The following ALG2 variants were observed in gnomAD, a reference collection of about 807,000 sequenced individuals.
ALG2 encodes the protein alpha-1,3/1,6-mannosyltransferase ALG2.
Under a neutral mutation model 30.5 loss-of-function variants are expected in ALG2, and 32 were observed. That is an observed-to-expected ratio of 1.05 (90% CI 0.79 to 1.41). The LOEUF (loss-of-function observed/expected upper bound fraction) is 1.41. Among genes scored for constraint, ALG2 ranks in the 40% most tolerant of loss-of-function variants. ALG2 has a pLI of 0.00. For missense variants in ALG2, 574 were observed against 526.4 expected, an observed-to-expected ratio of 1.09 and a Z score of -0.88; for synonymous variants, 253 against 224.8, an observed-to-expected ratio of 1.13 and a Z score of -1.12.
In ALG2 at chr9:99,218,417, G is replaced by T. The variant is rs1204546547; in HGVS notation, c.768C>A (p.Ser256=). Residue 256 remains serine, a synonymous_variant, in exon 2 of 2, where the codon TCC becomes TCA. Transcript: ENST00000476832. ...TCAGATGAACCCTCTCCCAATCTTG[G>T]GATGTCAATCTTCCACGCAGCTGTA... ...ALVQLRGRLT[S]QDWERVHLIV... The T allele has an allele frequency of 6.2e-7, 1 of 1,614,056 alleles. No homozygotes were observed. The highest frequency in any genetic ancestry group is 2.2e-5 in the East Asian group (1 of 44,894).
At chr9:99,220,593 C>T (rs36054907) in intron 1 of ALG2, among the ~76,000 whole-genome samples, 7,583 of 152,174 alleles carry the variant, frequency 0.05, 292 homozygotes, top group South Asian at 0.17. Flanking sequence ...GAGCCGAGAT[C>T]GCGCCACTGC....
chr9:99,220,221 AG>A (rs1454586173), intron 1 of ALG2, among the ~76,000 whole-genome samples: 1 of 152,258 alleles, frequency 6.6e-6, no homozygotes, highest in African/African-American at 2.4e-5. Flanking sequence ...TTTAAAAAAA[AG>A]AAGTAAAAGG....
chr9:99,217,794 G>C lies in ALG2; in HGVS notation c.*140C>G, dbSNP rs1828719748. 14 of 918,028 alleles carry C rather than the reference G, an allele frequency of 1.5e-5. No individual in the cohort carries two copies. In the East Asian group the frequency reaches 3.7e-4, roughly 24 times the overall value. 56.9% of individuals were successfully genotyped at this position (918,028 alleles called of 1,614,324 possible). ...GTGGACAGGGAGGTGTGGTATATAG[G>C]AAAGTGGCTCACATTCAAGACTCAA... On this transcript the variant is annotated 3_prime_UTR_variant, in exon 2 of 2. Transcript: ENST00000476832.
In ALG2 at chr9:99,221,598, G is replaced by A. The variant is rs1389785893; in HGVS notation, c.297C>T (p.Leu99=). Residue 99 remains leucine (L), a synonymous_variant, in exon 1 of 2, where the codon CTC becomes CTT. Transcript: ENST00000476832. ...CAYVRMVFLA[L]YVLFLADEEF... ...CCTCGTCGGCGAGGAACAGCACGTAGAGCGCCAGGAAAACCATGCGCACGT... is the reference window on the plus strand; with the variant it reads ...CCTCGTCGGCGAGGAACAGCACGTAAAGCGCCAGGAAAACCATGCGCACGT... 3.2e-6 allele frequency: 5 copies of A among 1,543,756 alleles called. No individual in the cohort carries two copies. Among genetic ancestry groups the A allele is most frequent in the Admixed American group, 2.0e-5 (1 of 50,898 alleles).
At chr9:99,218,877 T>C (rs755137990) in intron 1 of ALG2, 41 bp from the exon 2 acceptor site, 1 of 1,598,230 alleles carries the variant, frequency 6.3e-7, no homozygotes, top group African/African-American at 1.3e-5. Context: ...AGTGGTCAAC[T>C]CAACTTCAAC....
At position 99,218,089 on chromosome 9, in the gene ALG2, G is replaced by A. The variant is rs1828725583; in HGVS notation, c.1096C>T (p.Pro366Ser). Residue 366 changes from proline (P) to serine (S), a missense_variant, in exon 2 of 2, where the codon CCG (proline) becomes TCG (serine). Pro to Ser is a moderately conservative substitution (Grantham distance 74). Transcript: ENST00000476832. ...SVTGFLCEPD[P>S]VHFSEAIEKF... is the part of the protein sequence containing the mutation. ...TCTATTGCTTCTGAGAAGTGCACCG[G>A]GTCAGGCTCACACAGAAACCCTGTG... The A allele has an allele frequency of 1.9e-6, 3 of 1,613,812 alleles. No homozygotes were observed. The highest frequency in any genetic ancestry group is 2.5e-6 in the Non-Finnish European group (3 of 1,179,846).
rs1286182483 is a variant in ALG2 at position 99,217,243 on chromosome 9, T to C, written c.*691A>G. The C allele has an allele frequency of 4.4e-6, 2 of 454,126 alleles. No individual in the cohort carries two copies. Among genetic ancestry groups the C allele is most frequent in the East Asian group, 1.4e-4 (2 of 14,402 alleles). The allele number at this position is 454,126 out of a possible 1,614,324, so 28.1% of individuals were successfully genotyped here. A position where few individuals can be genotyped will look rare whatever the true frequency, so the allele number is the denominator to read the frequency against. On this transcript the variant is annotated 3_prime_UTR_variant, in exon 2 of 2. Transcript: ENST00000476832. ...AAGATGCACAACACATGTGTGACAA[T>C]ATTCTTGCTTCATTTCAATATCCAC...
chr9:99,219,142 T>C (rs374368950), intron 1 of ALG2, among the ~76,000 whole-genome samples: 9 of 152,236 alleles, frequency 5.9e-5, no homozygotes, highest in African/African-American at 1.9e-4. Context: ...TTTTAACATA[T>C]TATTTACCGA....
chr9:99,221,585 G>C lies in ALG2; in HGVS notation c.310C>G (p.Leu104Val). The change falls in exon 1 of 2, where the codon CTC (leucine) becomes GTC (valine). Residue 104 changes from leucine (L) to valine (V), a missense_variant. Transcript: ENST00000476832. The stretch of plus-strand genomic sequence containing the variant: ...ACCACGTCGAACTCCTCGTCGGCGA[G>C]GAACAGCACGTAGAGCGCCAGGAAA... ...MVFLALYVLF[L>V]ADEEFDVVVC... 6.5e-7 allele frequency: 1 copy of C among 1,544,390 alleles called. No individual in the cohort carries two copies. Among genetic ancestry groups the C allele is most frequent in the Non-Finnish European group, 8.7e-7 (1 of 1,146,064 alleles).
At position 99,221,546 on chromosome 9, in the gene ALG2, C is replaced by T. The variant is rs1237092913; in HGVS notation, c.348+1G>A. Reference sequence around the variant, plus strand: ...CGCAGCCGGCCCCGCGGCCGCCTCACCTGGTCGCACACTACCACGTCGAAC... The same window carrying T: ...CGCAGCCGGCCCCGCGGCCGCCTCATCTGGTCGCACACTACCACGTCGAAC... On this transcript the variant is annotated splice_donor_variant, in intron 1 of 1. Coordinates refer to ENST00000476832, the MANE Select transcript of ALG2 (RefSeq NM_033087.4). LOFTEE classifies it high-confidence loss of function. 1.9e-6 allele frequency: 3 copies of T among 1,543,444 alleles called. No homozygotes were observed. Among genetic ancestry groups the T allele is most frequent in the Admixed American group, 2.0e-5 (1 of 50,954 alleles).
chr9:99,218,963 A>G, intron 1 of ALG2, 127 bp from the exon 2 acceptor site: 1 of 1,010,436 alleles, frequency 9.9e-7, no homozygotes, highest in Non-Finnish European at 1.5e-6. Flanking sequence ...ATTCTGTTTT[A>G]TTCCCCAAGA....
rs1308983324 is a variant in ALG2, at chr9:99,218,506, G to C, written c.679C>G (p.Leu227Val). The change falls in exon 2 of 2, where the codon CTG becomes GTG. Residue 227 changes from leucine to valine, a missense_variant. Physicochemically the swap from Leu to Val is conservative, Grantham distance 32. Transcript: ENST00000476832. ...DDLVPKGKKF[L>V]LLSINRYERK... ...TCGTATCTGTTGATGGAGAGCAGCAGGAATTTTTTCCCCTTGGGGACTAGG... is the reference window on the plus strand; with the variant it reads ...TCGTATCTGTTGATGGAGAGCAGCACGAATTTTTTCCCCTTGGGGACTAGG... 1.2e-6 allele frequency: 2 copies of C among 1,614,200 alleles called. No homozygotes were observed. The highest frequency in any genetic ancestry group is 1.7e-6 in the Non-Finnish European group (2 of 1,180,032).
intron 1 of ALG2, chr9:99,220,889 T>C (rs1406467385): frequency 2.5e-5 from 31 of 1,260,312 alleles, no homozygotes; most frequent in Non-Finnish European, 3.1e-5. Flanking sequence ...AATGTTACTT[T>C]TTAAAGTCAT....
rs183416022 is a variant in ALG2, at chr9:99,218,390, G to C, written c.795C>G (p.Ile265Met). 26 of 1,614,056 alleles carry C rather than the reference G, an allele frequency of 1.6e-5. No homozygotes were observed. The highest frequency in any genetic ancestry group is 3.3e-5 in the Admixed American group (2 of 59,998). Reference protein sequence around the residue: ...TSQDWERVHLIVAGGYDERVL... With the variant: ...TSQDWERVHLMVAGGYDERVL... ...CTCTCTCGTCATAACCACCTGCCAC[G>C]ATCAGATGAACCCTCTCCCAATCTT... The change falls in exon 2 of 2, where the codon ATC becomes ATG. Residue 265 changes from isoleucine (I) to methionine (M), a missense_variant. By Grantham distance (10) the Ile-to-Met change is conservative. Transcript: ENST00000476832.
intron 1 of ALG2, chr9:99,221,246 C>G: frequency 8.7e-7 from 1 of 1,154,948 alleles, no homozygotes; most frequent in Non-Finnish European, 1.2e-6. Flanking sequence ...TTTCTCAGAG[C>G]CCCAAAGACT....
At chr9:99,218,987 C>T (rs910844073) in intron 1 of ALG2, 151 bp from the exon 2 acceptor site, 1 of 842,206 alleles carries the variant, frequency 1.2e-6, no homozygotes, top group Admixed American at 2.0e-5. Flanking sequence ...TCACCCAGTA[C>T]CATATGCCTG....
At position 99,221,557 on chromosome 9, in the gene ALG2, A is replaced by T; in HGVS notation, c.338T>A (p.Val113Glu). 1 of 1,544,026 alleles carries T rather than the reference A, an allele frequency of 6.5e-7. No individual in the cohort carries two copies. Among genetic ancestry groups the T allele is most frequent in the Non-Finnish European group, 8.7e-7 (1 of 1,146,214 alleles). Residue 113 changes from valine to glutamate, a missense_variant, in exon 1 of 2, where the codon GTG (valine) becomes GAG (glutamate). Transcript: ENST00000476832. The part of the protein sequence containing the change: ...FLADEEFDVV[V>E]CDQVSACIPV... ...CCGCGGCCGCCTCACCTGGTCGCAC[A>T]CTACCACGTCGAACTCCTCGTCGGC...
rs775204090 is a variant in ALG2, at chr9:99,221,780, CCAGCGCCGCGTCCAACACCAGCCGCT to C, written c.89_114del (p.Glu30GlyfsTer8). 8.1e-6 allele frequency: 13 copies of C among 1,598,294 alleles called. No individual in the cohort carries two copies. The highest frequency in any genetic ancestry group is 3.3e-5 in the South Asian group (3 of 91,036). ...ACGCTACACCCGCGCGCCTGCAGCG[CCAGCGCCGCGTCCAACACCAGCCGCT>C]CAGCGCCGCCCACGCCCAGGTCTGG... On this transcript the variant is annotated frameshift_variant, in exon 1 of 2. Coordinates refer to ENST00000476832, the MANE Select transcript of ALG2 (RefSeq NM_033087.4). LOFTEE classifies it high-confidence loss of function.
chr9:99,221,065 G>A (rs768506521), intron 1 of ALG2: 1 of 1,356,300 alleles, frequency 7.4e-7, no homozygotes, highest in South Asian at 1.1e-5. Context: ...TCAGCTTGGC[G>A]TTTTTAACAC....
Sources: allele counts gnomAD v4.1 joint callset (sites outside exome capture counted in the v4.1 genomes callset), GRCh38; gene constraint gnomAD v4.1.1; transcripts MANE v1.5; gene names NCBI Gene and HGNC (gene_info 2026-07-23, HGNC 2026-07-21).